Variants in TBX19 observed in about 807,000 individuals in gnomAD.
The protein encoded by TBX19 is T-box transcription factor 19, also known as T-box transcription factor TBX19.
TBX19 carries 33 observed loss-of-function variants against 40.9 expected under a neutral mutation model. That is an observed-to-expected ratio of 0.81 (90% confidence interval 0.61 to 1.08). The LOEUF (loss-of-function observed/expected upper bound fraction) is 1.08, where lower values mean the gene tolerates loss of function less well. TBX19 is among the 50% of genes least tolerant of loss of function. TBX19 has a pLI of 0.00. For synonymous variants in TBX19, 220 were observed against 225.0 expected (o/e 0.98, Z 0.20); for missense variants, 494 against 574.0 (o/e 0.86, Z 1.42).
intron 1 of TBX19, among the ~76,000 whole-genome samples, chr1:168,285,347 G>A (rs973819365): frequency 6.6e-5 from 10 of 151,802 alleles, no homozygotes; most frequent in African/African-American, 2.2e-4. Flanking sequence ...AGAGTTTTGA[G>A]GAGAGATGGA....
intron 5 of TBX19, among the ~76,000 whole-genome samples, chr1:168,303,504 G>A (rs1045712846): frequency 6.6e-6 from 1 of 152,284 alleles, no homozygotes; most frequent in Admixed American, 6.5e-5. Context: ...TACTGAGAAG[G>A]GGTCCTGATC....
chr1:168,297,681 G>A, intron 3 of TBX19, 43 bp from the exon 4 acceptor site: 3 of 1,569,266 alleles, frequency 1.9e-6, no homozygotes, highest in Non-Finnish European at 2.6e-6. Flanking sequence ...TTGCCCATGT[G>A]TATCCTACTT....
intron 1 of TBX19, among the ~76,000 whole-genome samples, chr1:168,284,510 A>G (rs1394179538): frequency 2.0e-5 from 3 of 152,090 alleles, no homozygotes; most frequent in African/African-American, 4.8e-5. Flanking sequence ...CTTCTTCTCT[A>G]CAAAAAATTT....
intron 2 of TBX19, among the ~76,000 whole-genome samples, chr1:168,292,863 C>CAAAA (rs751123603): frequency 3.0e-5 from 1 of 32,858 alleles, no homozygotes; most frequent in Admixed American, 2.4e-4. Flanking sequence ...GACTCCGTCT[C>CAAAA]AAAAAAAAAA....
At chr1:168,300,598 C>A in intron 5 of TBX19, 115 bp downstream of exon 5, 1 of 959,200 alleles carries the variant, frequency 1.0e-6, no homozygotes. Flanking sequence ...AATCAAAACC[C>A]AACACACAGT....
intron 1 of TBX19, among the ~76,000 whole-genome samples, chr1:168,283,757 G>T (rs1648732531): frequency 6.6e-6 from 1 of 152,098 alleles, no homozygotes. Flanking sequence ...CCCAGTCCTA[G>T]CCTTTTTCAT....
At chr1:168,302,536 G>T (rs1300748133) in intron 5 of TBX19, among the ~76,000 whole-genome samples, 1 of 152,118 alleles carries the variant, frequency 6.6e-6, no homozygotes, top group Non-Finnish European at 1.5e-5. Context: ...GCAGTACTAA[G>T]TCTCAGTCTT....
At chr1:168,309,019 C>T (rs1324333922) in intron 7 of TBX19, 142 bp downstream of exon 7, 2 of 1,194,124 alleles carry the variant, frequency 1.7e-6, no homozygotes, top group Non-Finnish European at 2.4e-6. Context: ...GTCAAGGTGG[C>T]AACAGGGTGG....
In TBX19 at chr1:168,305,226, G is replaced by T. The variant is rs1368500433; in HGVS notation, c.916+30G>T. The T allele has an allele frequency of 5.6e-6, 9 of 1,603,706 alleles. No homozygotes were observed. The East Asian group carries it at 2.0e-4, about 36-fold the overall frequency. The stretch of plus-strand genomic sequence containing the variant: ...GTGACTCTGCTGATTAAACCCTTGG[G>T]GTATGGGCTGGGGTGGGGGCAGTCA... On this transcript the variant is annotated intron_variant, in intron 6 of 7. Coordinates refer to ENST00000367821, the MANE Select transcript of TBX19 (RefSeq NM_005149.3).
At position 168,304,077 on chromosome 1, in the gene TBX19, C is replaced by G. The variant is rs1320682839; in HGVS notation, c.728-931C>G. ...CCCAGTAGGTCTCAGCCTCACTTTA[C>G]CCGGCCCCTATTCAAGATGGAGTCA... On this transcript the variant is annotated intron_variant, in intron 5 of 7. Coordinates refer to ENST00000367821, the MANE Select transcript of TBX19 (RefSeq NM_005149.3). Among the ~76,000 whole-genome samples the G allele has an allele frequency of 1.3e-5, 2 of 152,170 alleles. 1 individual carries two copies. The highest frequency in any genetic ancestry group is 4.1e-4 in the South Asian group (2 of 4,824).
At chr1:168,308,503 A>G (rs981908423) in intron 6 of TBX19, 27 of 527,170 alleles carry the variant, frequency 5.1e-5, no homozygotes, top group Admixed American at 3.0e-4. Context: ...GCGTATCTAT[A>G]AGATGGAGTT....
chr1:168,295,348 A>G (rs1364318261), intron 3 of TBX19, among the ~76,000 whole-genome samples: 1 of 152,164 alleles, frequency 6.6e-6, no homozygotes, highest in Non-Finnish European at 1.5e-5. Flanking sequence ...GAAGCTTTAA[A>G]GACAGATTTT....
rs1229610178 is a variant in TBX19 at position 168,314,216 on chromosome 1, A to G, written c.*1214A>G. The G allele has an allele frequency of 3.3e-5, 5 of 152,806 alleles. No individual in the cohort carries two copies. 9.5% of individuals were successfully genotyped at this position (152,806 alleles called of 1,614,324 possible). On this transcript the variant is annotated 3_prime_UTR_variant, in exon 8 of 8. Transcript: ENST00000367821. Reference sequence around the variant, plus strand: ...TGATCTGCTGAGATATGTCTGATCTATCTCTGCTCGCTGTTCTCCCGTTGT... The same window carrying G: ...TGATCTGCTGAGATATGTCTGATCTGTCTCTGCTCGCTGTTCTCCCGTTGT...
intron 4 of TBX19, 100 bp from the exon 5 acceptor site, chr1:168,300,318 ATTCT>A: frequency 1.9e-6 from 2 of 1,062,864 alleles, no homozygotes; most frequent in Non-Finnish European, 1.4e-6. Flanking sequence ...TGGTTTTCTT[ATTCT>A]AAGAAATTGA....
intron 2 of TBX19, among the ~76,000 whole-genome samples, chr1:168,291,908 A>G (rs1648953601): frequency 6.6e-6 from 1 of 152,148 alleles, no homozygotes; most frequent in Non-Finnish European, 1.5e-5. Flanking sequence ...TCAGGAAAAA[A>G]AAATCCAAAC....
At chr1:168,297,935 G>A in intron 4 of TBX19, 150 bp downstream of exon 4, 1 of 680,008 alleles carries the variant, frequency 1.5e-6, no homozygotes, top group East Asian at 3.2e-5. Flanking sequence ...GGTGGCTCAT[G>A]CCTGTAATCC....
At chr1:168,289,393 G>A (rs961708897) in intron 1 of TBX19, among the ~76,000 whole-genome samples, 1 of 152,176 alleles carries the variant, frequency 6.6e-6, no homozygotes, top group Non-Finnish European at 1.5e-5. Flanking sequence ...AATGCAACAT[G>A]AAGATTTTAC....
At chr1:168,293,077 G>T in intron 2 of TBX19, 67 bp from the exon 3 acceptor site, 1 of 1,602,578 alleles carries the variant, frequency 6.2e-7, no homozygotes, top group Non-Finnish European at 8.5e-7. Context: ...GGAGATGCTG[G>T]CTCCTTTATC....
In TBX19 at chr1:168,293,140, A is replaced by G. The variant is rs1215254216; in HGVS notation, c.469-4A>G. 1 of 1,613,758 alleles carries G rather than the reference A, an allele frequency of 6.2e-7. No individual in the cohort carries two copies. Among genetic ancestry groups the G allele is most frequent in the East Asian group, 2.2e-5 (1 of 44,858 alleles). On this transcript the variant is annotated splice_region_variant and splice_polypyrimidine_tract_variant and intron_variant, in intron 2 of 7. Transcript: ENST00000367821. The stretch of plus-strand genomic sequence containing the variant: ...CTCCTCTTTCTCTTCTCCTGCCTCG[A>G]CAGATAATGTTGAATTCTCTGCATA...
Sources: gnomAD v4.1 joint callset for allele counts (sites outside exome capture counted in the v4.1 genomes callset) on GRCh38, gnomAD v4.1.1 for gene constraint, MANE v1.5 for transcripts, NCBI Gene and HGNC (gene_info 2026-07-23, HGNC 2026-07-21) for gene names.